Variants in TBC1D5 observed in about 807,000 individuals in gnomAD.
TBC1D5 encodes the protein TBC1 domain family, member 5.
A neutral mutation model predicts 100.3 loss-of-function variants in TBC1D5; 75 were observed. The ratio of observed to expected loss-of-function variants is 0.75; its 90% CI spans 0.62 to 0.91. The LOEUF (loss-of-function observed/expected upper bound fraction) is 0.91. Among genes scored for constraint, TBC1D5 ranks in the 40% least tolerant of loss-of-function variants. The pLI is 0.00. For synonymous variants in TBC1D5, 323 were observed against 325.6 expected, an observed-to-expected ratio of 0.99 and a Z score of 0.09; for missense variants, 910 against 942.4, an observed-to-expected ratio of 0.97 and a Z score of 0.45.
chr3:17,555,700 T>A (rs2096512478), intron 2 of TBC1D5, among the ~76,000 whole-genome samples: 1 of 152,212 alleles, frequency 6.6e-6, no homozygotes, highest in African/African-American at 2.4e-5. Context: ...TGCTTTGATT[T>A]CTTACAGGGC....
chr3:17,661,377 A>T (rs1351744218), intron 1 of TBC1D5, among the ~76,000 whole-genome samples: 1 of 152,240 alleles, frequency 6.6e-6, no homozygotes, highest in Non-Finnish European at 1.5e-5. Context: ...GTGTGTGTAC[A>T]CACAGACACA....
intron 1 of TBC1D5, among the ~76,000 whole-genome samples, chr3:17,737,757 C>CA (rs1425368755): frequency 2.7e-5 from 4 of 147,246 alleles, no homozygotes; most frequent in African/African-American, 7.5e-5. Flanking sequence ...CTTGTCTTAA[C>CA]AAAAAAACTA....
chr3:17,357,243 C>A (rs925580811), intron 13 of TBC1D5, among the ~76,000 whole-genome samples: 1 of 152,114 alleles, frequency 6.6e-6, no homozygotes, highest in Non-Finnish European at 1.5e-5. Flanking sequence ...GGAGGGGAGT[C>A]AGGACAAAGC....
intron 15 of TBC1D5, among the ~76,000 whole-genome samples, chr3:17,259,717 G>C (rs935145539): frequency 6.6e-6 from 1 of 151,626 alleles, no homozygotes; most frequent in Non-Finnish European, 1.5e-5. Flanking sequence ...AGGCACGGGG[G>C]GGGTTGCGGG....
chr3:17,178,635 G>C (rs551973376), intron 19 of TBC1D5, among the ~76,000 whole-genome samples: 1 of 152,120 alleles, frequency 6.6e-6, no homozygotes, highest in Non-Finnish European at 1.5e-5. Flanking sequence ...CACCAACAAT[G>C]AACAAAAGTT....
chr3:17,386,289 A>G (rs1023992368), intron 8 of TBC1D5, among the ~76,000 whole-genome samples: 1 of 152,098 alleles, frequency 6.6e-6, no homozygotes, highest in Non-Finnish European at 1.5e-5. Context: ...TTCTACACAC[A>G]TTGGCACAAC....
chr3:17,364,263 T>C (rs372585822), intron 13 of TBC1D5, among the ~76,000 whole-genome samples: 23 of 152,320 alleles, frequency 1.5e-4, no homozygotes, highest in East Asian at 1.4e-3. Flanking sequence ...CTTGTATTAC[T>C]GGTTTGTGAT....
At chr3:17,650,120 C>T (rs770294570) in intron 1 of TBC1D5, among the ~76,000 whole-genome samples, 2 of 151,822 alleles carry the variant, frequency 1.3e-5, no homozygotes, top group Non-Finnish European at 2.9e-5. Flanking sequence ...AGGGAGGGAA[C>T]ATCACACACC....
intron 8 of TBC1D5, among the ~76,000 whole-genome samples, chr3:17,384,256 T>C (rs2093061755): frequency 6.6e-6 from 1 of 152,124 alleles, no homozygotes; most frequent in African/African-American, 2.4e-5. Flanking sequence ...ACATGCTTCA[T>C]ATACTTCACA....
In TBC1D5 at chr3:17,409,252, G is replaced by C. The variant is rs185148742; in HGVS notation, c.168-2726C>G. Among the ~76,000 whole-genome samples the C allele has an allele frequency of 1.0e-3, 155 of 152,132 alleles. 2 individuals carry two copies. In the South Asian group the frequency reaches 0.019, roughly 18 times the overall value. ...CAACTCTTTCATTATATCTGTTATGGGGATATGTGATCAGTGATCTCTGAT... is the reference window on the plus strand; with the variant it reads ...CAACTCTTTCATTATATCTGTTATGCGGATATGTGATCAGTGATCTCTGAT... On this transcript the variant is annotated intron_variant, in intron 4 of 21. Transcript: ENST00000253692.
intron 3 of TBC1D5, among the ~76,000 whole-genome samples, chr3:17,455,492 G>GTA (rs1176429273): frequency 7.7e-4 from 104 of 135,872 alleles, no homozygotes; most frequent in Admixed American, 1.9e-3. Context: ...ATATATATGT[G>GTA]TATATATATA....
chr3:17,238,271 C>G, exon 17 of TBC1D5: 1 of 1,614,048 alleles, frequency 6.2e-7, no homozygotes, highest in Non-Finnish European at 8.5e-7. Context: ...GTAGGAATTA[C>G]AACAGAGGAG....
upstream of TBC1D5, among the ~76,000 whole-genome samples, chr3:17,742,187 G>A (rs916639168): frequency 6.6e-6 from 1 of 152,006 alleles, no homozygotes; most frequent in Non-Finnish European, 1.5e-5. Context: ...CTGCCCGCCA[G>A]GGAGCTGAAG....
At chr3:17,318,498 A>G (rs1240633541) in intron 13 of TBC1D5, among the ~76,000 whole-genome samples, 2 of 152,182 alleles carry the variant, frequency 1.3e-5, no homozygotes, top group Non-Finnish European at 2.9e-5. Context: ...AAATTCTTGC[A>G]TGTTTCAGAG....
At chr3:17,457,290 TTC>T (rs1353034759) in intron 3 of TBC1D5, among the ~76,000 whole-genome samples, 1 of 152,156 alleles carries the variant, frequency 6.6e-6, no homozygotes, top group Non-Finnish European at 1.5e-5. Flanking sequence ...TTCTACTCTT[TTC>T]TCTTTTTTTC....
intron 8 of TBC1D5, among the ~76,000 whole-genome samples, chr3:17,393,329 C>T (rs1039888314): frequency 3.3e-5 from 5 of 151,892 alleles, no homozygotes; most frequent in Admixed American, 2.6e-4. Context: ...AGAGAGGACA[C>T]AAACAAATGG....
chr3:17,729,385 TAA>T (rs2076378529), intron 1 of TBC1D5, among the ~76,000 whole-genome samples: 1 of 150,568 alleles, frequency 6.6e-6, no homozygotes, highest in Admixed American at 6.6e-5. Flanking sequence ...CAAAACTGAT[TAA>T]GTTACATGCT....
intron 18 of TBC1D5, 59 bp downstream of exon 19, chr3:17,214,148 A>C: frequency 6.5e-7 from 1 of 1,541,382 alleles, no homozygotes. Context: ...GCTTTCATAA[A>C]TGCAGCACTC....
In TBC1D5 at chr3:17,508,457, T is replaced by G; in HGVS notation, c.97+17A>C. On this transcript the variant is annotated intron_variant, in intron 3 of 21. Transcript: ENST00000253692. ...CCAGTACACTACCTACAAATAGTATTGGCATACAAAACTCACCTCCAGACT... is the reference window on the plus strand; with the variant it reads ...CCAGTACACTACCTACAAATAGTATGGGCATACAAAACTCACCTCCAGACT... The G allele has an allele frequency of 6.3e-7, 1 of 1,593,406 alleles. No homozygotes were observed. Among genetic ancestry groups the G allele is most frequent in the Non-Finnish European group, 8.6e-7 (1 of 1,162,042 alleles).
Sources: gnomAD v4.1 joint callset for allele counts (sites outside exome capture counted in the v4.1 genomes callset) on GRCh38, gnomAD v4.1.1 for gene constraint, MANE v1.5 for transcripts, NCBI Gene and HGNC (gene_info 2026-07-23, HGNC 2026-07-21) for gene names.